VAT1L: variants seen among roughly 807,000 people sequenced by gnomAD.
VAT1L encodes vesicle amine transport 1 like.
In VAT1L, 34 loss-of-function variants were observed where a neutral mutation model predicts 44.1. The observed-to-expected ratio is 0.77, with a 90% confidence interval of 0.59 to 1.03. The LOEUF is 1.03. Among genes scored for constraint, VAT1L ranks in the 50% least tolerant of loss-of-function variants. The pLI is 0.00. For missense variants in VAT1L, 615 were observed against 538.8 expected (o/e 1.14, Z -1.40); for synonymous variants, 253 against 202.2 (o/e 1.25, Z -2.13).
intron 3 of VAT1L, among the ~76,000 whole-genome samples, chr16:77,832,889 G>C (rs560202279): frequency 6.6e-6 from 1 of 152,344 alleles, no homozygotes; most frequent in East Asian, 1.9e-4. Context: ...ACGATCTTCA[G>C]TGGCTGAAGG....
At chr16:77,975,643 A>C (rs191800930) in intron 8 of VAT1L, among the ~76,000 whole-genome samples, 169 of 152,360 alleles carry the variant, frequency 1.1e-3, no homozygotes, top group African/African-American at 4.0e-3. Context: ...GTCGACTGCT[A>C]CTGGCAGCTC....
At chr16:77,810,791 C>T (rs1020833799) in intron 1 of VAT1L, among the ~76,000 whole-genome samples, 7 of 152,162 alleles carry the variant, frequency 4.6e-5, no homozygotes, top group African/African-American at 1.7e-4. Context: ...CTATAAGATC[C>T]ATAAAGCCAA....
intron 2 of VAT1L, among the ~76,000 whole-genome samples, chr16:77,822,045 A>T (rs190189178): frequency 6.6e-6 from 1 of 152,236 alleles, no homozygotes; most frequent in African/African-American, 2.4e-5. Context: ...GAACAGGCAC[A>T]GGGGCTGATC....
At chr16:77,937,324 T>A (rs375223924) in intron 7 of VAT1L, among the ~76,000 whole-genome samples, 3 of 152,190 alleles carry the variant, frequency 2.0e-5, no homozygotes, top group Non-Finnish European at 2.9e-5. Flanking sequence ...ACCTTCAGGA[T>A]CCAGAGGTTA....
intron 3 of VAT1L, among the ~76,000 whole-genome samples, chr16:77,837,550 C>G (rs913105938): frequency 6.6e-6 from 1 of 152,008 alleles, no homozygotes; most frequent in East Asian, 1.9e-4. Flanking sequence ...GGTGCTGCTT[C>G]GGAAATATTT....
At chr16:77,874,238 G>A (rs1039248844) in intron 4 of VAT1L, among the ~76,000 whole-genome samples, 4 of 152,104 alleles carry the variant, frequency 2.6e-5, no homozygotes, top group African/African-American at 9.7e-5. Flanking sequence ...GAGAAATGCA[G>A]TTCACTGAGA....
chr16:77,904,853 G>C (rs954464008), intron 7 of VAT1L, among the ~76,000 whole-genome samples: 3 of 152,014 alleles, frequency 2.0e-5, no homozygotes, highest in South Asian at 4.2e-4. Flanking sequence ...TTGACACATG[G>C]TTGCACTTCA....
intron 2 of VAT1L, 99 bp downstream of exon 2, chr16:77,817,149 T>C: frequency 6.8e-7 from 1 of 1,480,612 alleles, no homozygotes; most frequent in Admixed American, 2.2e-5. Context: ...ACCTATGGCG[T>C]GCATTATTAT....
chr16:77,897,461 A>T (rs576127755), intron 7 of VAT1L, among the ~76,000 whole-genome samples: 2 of 152,032 alleles, frequency 1.3e-5, no homozygotes, highest in African/African-American at 2.4e-5. Flanking sequence ...GGTCCAAAAA[A>T]CTGGTTTTGT....
intron 4 of VAT1L, among the ~76,000 whole-genome samples, chr16:77,867,280 C>T (rs2142446504): frequency 6.6e-6 from 1 of 152,252 alleles, no homozygotes; most frequent in East Asian, 1.9e-4. Context: ...ATGAGGGTTT[C>T]ACAGGTGTGA....
intron 7 of VAT1L, among the ~76,000 whole-genome samples, chr16:77,935,779 A>G (rs1207240861): frequency 6.6e-6 from 1 of 152,220 alleles, no homozygotes; most frequent in Non-Finnish European, 1.5e-5. Flanking sequence ...TCTCTGGCAT[A>G]AACTACCTGT....
chr16:77,795,811 C>CTG (rs2015919718), intron 1 of VAT1L, among the ~76,000 whole-genome samples: 1 of 119,040 alleles, frequency 8.4e-6, no homozygotes, highest in Non-Finnish European at 1.7e-5. Flanking sequence ...TCCCTTTTTT[C>CTG]TCTTTTTTTT....
intron 3 of VAT1L, among the ~76,000 whole-genome samples, chr16:77,836,277 G>A (rs899729868): frequency 6.6e-6 from 1 of 151,988 alleles, no homozygotes; most frequent in Admixed American, 6.6e-5. Flanking sequence ...CCTGCACCTC[G>A]CTCATTTTTT....
At chr16:77,903,908 T>C (rs1352150207) in intron 7 of VAT1L, among the ~76,000 whole-genome samples, 2 of 151,882 alleles carry the variant, frequency 1.3e-5, no homozygotes, top group African/African-American at 4.8e-5. Context: ...AGCTAATTTT[T>C]TGTATTTTTA....
chr16:77,793,315 A>G (rs1048775574), intron 1 of VAT1L, among the ~76,000 whole-genome samples: 2 of 152,024 alleles, frequency 1.3e-5, no homozygotes, highest in East Asian at 1.9e-4. Flanking sequence ...GACAGAGTCT[A>G]TGTTGCTCAG....
At chr16:77,855,886 CG>C (rs1567488860) in intron 3 of VAT1L, among the ~76,000 whole-genome samples, 1 of 152,016 alleles carries the variant, frequency 6.6e-6, no homozygotes, top group Non-Finnish European at 1.5e-5. Flanking sequence ...GGCATGGTGG[CG>C]GGCACCTGTA....
chr16:77,911,390 G>A (rs1232047356), intron 7 of VAT1L, among the ~76,000 whole-genome samples: 1 of 152,132 alleles, frequency 6.6e-6, no homozygotes, highest in African/African-American at 2.4e-5. Flanking sequence ...ATAGTGTCCT[G>A]TGGGGTACTA....
intron 7 of VAT1L, among the ~76,000 whole-genome samples, chr16:77,951,876 T>TG (rs2018048482): frequency 6.6e-6 from 1 of 150,486 alleles, no homozygotes; most frequent in Non-Finnish European, 1.5e-5. Context: ...AACTGAAAGC[T>TG]GTTACTAGGC....
At chr16:77,841,481 C>T (rs1436246452) in intron 3 of VAT1L, among the ~76,000 whole-genome samples, 1 of 152,234 alleles carries the variant, frequency 6.6e-6, no homozygotes, top group Non-Finnish European at 1.5e-5. Context: ...ACCCATTACA[C>T]ATGACAGATT....
Sources: allele counts gnomAD v4.1 joint callset (sites outside exome capture counted in the v4.1 genomes callset), GRCh38; gene constraint gnomAD v4.1.1; transcripts MANE v1.5; gene names NCBI Gene and HGNC (gene_info 2026-07-23, HGNC 2026-07-21).